Variants in ZBTB20 observed in about 807,000 individuals in gnomAD.
ZBTB20 encodes zinc finger and BTB domain containing 20.
ZBTB20 carries 9 observed loss-of-function variants against 56.9 expected under a neutral mutation model. That is an observed-to-expected ratio of 0.16 (90% CI 0.10 to 0.28). The LOEUF (loss-of-function observed/expected upper bound fraction) is 0.28. Among genes scored for constraint, ZBTB20 ranks in the 10% least tolerant of loss-of-function variants. The pLI is 1.00. For missense variants in ZBTB20, 655 were observed against 1,003.0 expected, an observed-to-expected ratio of 0.65 and a Z score of 4.69; for synonymous variants, 417 against 420.7, an observed-to-expected ratio of 0.99 and a Z score of 0.11.
At chr3:114,457,174 G>GA (rs1243995432) in intron 7 of ZBTB20, among the ~76,000 whole-genome samples, 1 of 152,132 alleles carries the variant, frequency 6.6e-6, no homozygotes, top group Admixed American at 6.5e-5. Flanking sequence ...GGTGAACTGA[G>GA]AAAAAAGAAC....
At chr3:114,782,288 G>A (rs1423456568) in intron 5 of ZBTB20, among the ~76,000 whole-genome samples, 1 of 152,168 alleles carries the variant, frequency 6.6e-6, no homozygotes, top group African/African-American at 2.4e-5. Flanking sequence ...TAGTTGCTCA[G>A]TGGCATATTT....
intron 7 of ZBTB20, among the ~76,000 whole-genome samples, chr3:114,475,843 A>G (rs2040692041): frequency 1.3e-5 from 2 of 152,194 alleles, no homozygotes; most frequent in South Asian, 4.1e-4. Context: ...GTAGTTCAAG[A>G]TAACAACCCT....
chr3:114,948,724 A>T (rs979098117), intron 3 of ZBTB20, among the ~76,000 whole-genome samples: 2 of 146,214 alleles, frequency 1.4e-5, no homozygotes, highest in African/African-American at 2.8e-5. Context: ...GATACCAATT[A>T]CAAGAGCATT....
chr3:114,657,899 A>C (rs1229134996), intron 6 of ZBTB20, among the ~76,000 whole-genome samples: 1 of 152,140 alleles, frequency 6.6e-6, no homozygotes, highest in African/African-American at 2.4e-5. Context: ...GAAACAGTAC[A>C]AGTTACTCCT....
intron 6 of ZBTB20, among the ~76,000 whole-genome samples, chr3:114,551,421 A>G (rs963834990): frequency 3.9e-5 from 6 of 152,226 alleles, no homozygotes; most frequent in Non-Finnish European, 8.8e-5. Context: ...TTACAAAAGA[A>G]GTGCACAAAA....
At chr3:115,111,518 A>G (rs1187007245) in intron 1 of ZBTB20, among the ~76,000 whole-genome samples, 11 of 152,264 alleles carry the variant, frequency 7.2e-5, no homozygotes, top group Admixed American at 5.2e-4. Flanking sequence ...TCTCCCTAGT[A>G]TTTTTCCACC....
chr3:114,781,044 T>C (rs1411606122), intron 5 of ZBTB20, among the ~76,000 whole-genome samples: 1 of 152,194 alleles, frequency 6.6e-6, no homozygotes, highest in African/African-American at 2.4e-5. Flanking sequence ...CAAACATTTT[T>C]AAGAGTCATA....
At chr3:114,459,216 G>C (rs1405622663) in intron 7 of ZBTB20, among the ~76,000 whole-genome samples, 1 of 152,164 alleles carries the variant, frequency 6.6e-6, no homozygotes, top group East Asian at 1.9e-4. Flanking sequence ...TTCAGCTCTT[G>C]AAGCCTTCCT....
chr3:114,736,998 T>C (rs9822505), intron 5 of ZBTB20, among the ~76,000 whole-genome samples: 14,973 of 152,192 alleles, frequency 0.098, 1,081 homozygotes, highest in East Asian at 0.36. Flanking sequence ...TTGTATAACC[T>C]GCACTGAGGG....
intron 2 of ZBTB20, among the ~76,000 whole-genome samples, chr3:115,039,604 A>C (rs1420166556): frequency 6.6e-6 from 1 of 151,954 alleles, no homozygotes; most frequent in African/African-American, 2.4e-5. Context: ...TAAAATATTT[A>C]ATAATGCTGA....
intron 5 of ZBTB20, among the ~76,000 whole-genome samples, chr3:114,776,828 G>A (rs1454909802): frequency 6.6e-6 from 1 of 152,142 alleles, no homozygotes; most frequent in Non-Finnish European, 1.5e-5. Context: ...ACAGCAAGTA[G>A]GGAACTAAAA....
chr3:114,479,847 C>T (rs2109351847), intron 7 of ZBTB20, among the ~76,000 whole-genome samples: 1 of 152,326 alleles, frequency 6.6e-6, no homozygotes, highest in East Asian at 1.9e-4. Flanking sequence ...CAGAGCAGTA[C>T]TTCCCTTGTG....
At chr3:114,573,376 C>T (rs1210791837) in intron 6 of ZBTB20, among the ~76,000 whole-genome samples, 2 of 151,168 alleles carry the variant, frequency 1.3e-5, no homozygotes, top group Non-Finnish European at 2.9e-5. Context: ...ACAAGAATTG[C>T]TTGAGCCTGG....
intron 4 of ZBTB20, among the ~76,000 whole-genome samples, chr3:114,840,195 G>A (rs1383710307): frequency 6.6e-6 from 1 of 151,552 alleles, no homozygotes; most frequent in Non-Finnish European, 1.5e-5. Context: ...TAAAATGATG[G>A]TAAGTTTCCC....
intron 4 of ZBTB20, among the ~76,000 whole-genome samples, chr3:114,850,143 G>A (rs984055283): frequency 9.9e-5 from 15 of 151,882 alleles, no homozygotes; most frequent in Non-Finnish European, 1.3e-4. Flanking sequence ...CGAGTGATCC[G>A]CCTGCCTCAG....
chr3:114,619,496 G>A (rs546893181), intron 6 of ZBTB20, among the ~76,000 whole-genome samples: 5 of 151,974 alleles, frequency 3.3e-5, no homozygotes, highest in Non-Finnish European at 7.4e-5. Context: ...CAATATTTTG[G>A]GTTTTTTTTT....
intron 7 of ZBTB20, among the ~76,000 whole-genome samples, chr3:114,471,156 T>C (rs977912460): frequency 1.3e-5 from 2 of 152,262 alleles, no homozygotes; most frequent in African/African-American, 2.4e-5. Flanking sequence ...CAGGGGAGAA[T>C]CCCAATTGAA....
At chr3:114,782,010 A>T (rs1192652701) in intron 5 of ZBTB20, among the ~76,000 whole-genome samples, 2 of 152,158 alleles carry the variant, frequency 1.3e-5, no homozygotes, top group African/African-American at 4.8e-5. Flanking sequence ...CTAATACACA[A>T]GGCAAAGGAG....
intron 5 of ZBTB20, among the ~76,000 whole-genome samples, chr3:114,785,804 ACT>A (rs2070439597): frequency 6.6e-6 from 1 of 151,928 alleles, no homozygotes; most frequent in East Asian, 1.9e-4. Flanking sequence ...TTCAGATCTT[ACT>A]CTCTGCGTAA....
Sources: allele counts gnomAD v4.1 joint callset (sites outside exome capture counted in the v4.1 genomes callset), GRCh38; gene constraint gnomAD v4.1.1; transcripts MANE v1.5; gene names NCBI Gene and HGNC (gene_info 2026-07-23, HGNC 2026-07-21).